Variants in TAMALIN observed in about 807,000 individuals in gnomAD.
TAMALIN encodes trafficking regulator and scaffold protein tamalin, also known as protein TAMALIN.
TAMALIN carries 9 observed loss-of-function variants against 38.5 expected under a neutral mutation model. The observed-to-expected ratio is 0.23, with a 90% CI of 0.14 to 0.41. TAMALIN has a LOEUF of 0.41. Ranked by LOEUF, TAMALIN falls within the 10% of genes least tolerant of loss-of-function variation. The pLI is 1.00. For missense variants in TAMALIN, 548 were observed against 554.1 expected (o/e 0.99, Z 0.11); for synonymous variants, 306 against 256.5 (o/e 1.19, Z -1.85).
intron 4 of TAMALIN, chr12:52,013,443 T>TC: frequency 4.1e-6 from 2 of 490,820 alleles, no homozygotes. Context: ...TTGGCTGGGG[T>TC]GCTGGGCGTG....
Position 52,012,550 on chromosome 12 carries a change from G to A in TAMALIN, c.455-1137G>A, listed in dbSNP as rs187310654. On this transcript the variant is annotated intron_variant, in intron 4 of 7. Coordinates refer to ENST00000293662, the MANE Select transcript of TAMALIN (RefSeq NM_181711.4). ...ATTACAGGTGTGAGCCACGGCGCTC[G>A]GCCCCAAATGCCTCTTAAAGGTCCT... Among the ~76,000 whole-genome samples the A allele has an allele frequency of 1.5e-3, 223 of 152,272 alleles. 1 individual carries two copies. Among genetic ancestry groups the A allele is most frequent in the African/African-American group, 5.2e-3 (214 of 41,538 alleles).
chr12:52,015,248 G>A lies in TAMALIN; in HGVS notation c.*49G>A, dbSNP rs1427222814. ...TTTATTTATTTATTCGCAACAGCCA[G>A]CGCTAAAAGAGGGGGAGGCCGAGCC... On this transcript the variant is annotated 3_prime_UTR_variant, in exon 8 of 8. Transcript: ENST00000293662. 4 of 1,525,786 alleles carry A rather than the reference G, an allele frequency of 2.6e-6. No individual in the cohort carries two copies. Among genetic ancestry groups the A allele is most frequent in the Admixed American group, 1.9e-5 (1 of 52,274 alleles). 94.5% of individuals were successfully genotyped at this position (1,525,786 alleles called of 1,614,324 possible).
chr12:52,010,373 G>A (rs1054538474), intron 2 of TAMALIN: 4 of 311,986 alleles, frequency 1.3e-5, no homozygotes, highest in Middle Eastern at 1.6e-3. Flanking sequence ...AGTGCGGGAA[G>A]GGGCGGCCTC....
chr12:52,014,549 A>G, intron 7 of TAMALIN, 145 bp from the exon 8 acceptor site: 1 of 642,202 alleles, frequency 1.6e-6, no homozygotes, highest in Middle Eastern at 4.3e-4. Flanking sequence ...TGAGGGAAGT[A>G]GGGTCTCAGG....
chr12:52,007,050 CAGA>C lies in TAMALIN; in HGVS notation c.34_36del (p.Lys12del). The stretch of plus-strand genomic sequence containing the variant: ...CCTCCGCCGACTCAGGAAGCTGCAG[CAGA>C]AGGAGGAGGCGGCGGCCACCCCGGA... On this transcript the variant is annotated inframe_deletion, in exon 1 of 8. Coordinates refer to ENST00000293662, the MANE Select transcript of TAMALIN (RefSeq NM_181711.4). This position sits in a 1 kb window ranked among gnomAD's most constrained non-coding sequence, Gnocchi z 6.7. 6.9e-7 allele frequency: 1 copy of C among 1,452,652 alleles called. No homozygotes were observed. Among genetic ancestry groups the C allele is most frequent in the Non-Finnish European group, 9.0e-7 (1 of 1,110,652 alleles). 90.0% of individuals were successfully genotyped at this position (1,452,652 alleles called of 1,614,324 possible).
chr12:52,010,617 C>A, intron 2 of TAMALIN: 2 of 1,171,120 alleles, frequency 1.7e-6, no homozygotes, highest in South Asian at 1.6e-5. Flanking sequence ...AAAAACTCAG[C>A]CGGCTCATCC....
chr12:52,008,229 G>A, intron 1 of TAMALIN: 4 of 985,352 alleles, frequency 4.1e-6, no homozygotes, highest in Non-Finnish European at 4.8e-6. Flanking sequence ...GGGCAGCTTT[G>A]GGGGAGGGTT....
At chr12:52,009,787 C>G (rs1014399632) in intron 2 of TAMALIN, among the ~76,000 whole-genome samples, 3 of 152,228 alleles carry the variant, frequency 2.0e-5, no homozygotes, top group Admixed American at 1.3e-4. Flanking sequence ...CTTCTCTACT[C>G]ATGTCCCATC....
In TAMALIN at chr12:52,009,309, C is replaced by T. The variant is rs1592271418; in HGVS notation, c.296+70C>T. 2.1e-6 allele frequency: 3 copies of T among 1,436,914 alleles called. No homozygotes were observed. In the East Asian group the frequency reaches 6.8e-5, roughly 33 times the overall value. The allele number at this position is 1,436,914 out of a possible 1,614,324, so 89.0% of individuals were successfully genotyped here. ...GGTGCTGGGTTGGGGGGTGCCAGGA[C>T]AGCATCTCAGCCTAGCGAGGGTAGT... On this transcript the variant is annotated intron_variant, in intron 2 of 7. Transcript: ENST00000293662.
rs768390875 is a variant in TAMALIN, at chr12:52,007,107, G to A, written c.88G>A (p.Val30Ile). 4 of 1,482,030 alleles carry A rather than the reference G, an allele frequency of 2.7e-6. No homozygotes were observed. Among genetic ancestry groups the A allele is most frequent in the Non-Finnish European group, 2.7e-6 (3 of 1,124,022 alleles). 91.8% of individuals were successfully genotyped at this position (1,482,030 alleles called of 1,614,324 possible). A position where few individuals can be genotyped will look rare whatever the true frequency, so the allele number is the denominator to read the frequency against. ...DPAARTPDSE[V>I]APAAPVPTPG... Reference sequence around the variant, plus strand: ...CGCCGCCCGGACTCCCGACTCGGAAGTCGCGCCCGCCGCTCCGGTCCCGAC... The same window carrying A: ...CGCCGCCCGGACTCCCGACTCGGAAATCGCGCCCGCCGCTCCGGTCCCGAC... The change falls in exon 1 of 8, where the codon GTC becomes ATC. Residue 30 changes from valine to isoleucine, a missense_variant. Val to Ile is a conservative substitution (Grantham distance 29). Around this residue, in one of 3 missense-constraint regions of TAMALIN, gnomAD observed 128 missense variants for 117.9 expected, o/e 1.09. Coordinates refer to ENST00000293662, the MANE Select transcript of TAMALIN (RefSeq NM_181711.4). The surrounding 1 kb of genome is among the most constrained non-coding windows in gnomAD (Gnocchi z 6.7).
At position 52,011,152 on chromosome 12, in the gene TAMALIN, A is replaced by T. The variant is rs770103667; in HGVS notation, c.454+11A>T. On this transcript the variant is annotated intron_variant, in intron 4 of 7. Transcript: ENST00000293662. This position sits in a 1 kb window ranked among gnomAD's most constrained non-coding sequence, Gnocchi z 5.3. ...CTGGGCTCACACCAGGTGGGGCCTG[A>T]GCCCAGGACACCCAGGTCTGGGAAG... The T allele has an allele frequency of 2.5e-5, 41 of 1,610,352 alleles. No individual in the cohort carries two copies. The highest frequency in any genetic ancestry group is 3.4e-5 in the Non-Finnish European group (40 of 1,179,988).
At chr12:52,010,201 C>T (rs1418311284) in intron 2 of TAMALIN, among the ~76,000 whole-genome samples, 9 of 152,156 alleles carry the variant, frequency 5.9e-5, no homozygotes, top group African/African-American at 9.7e-5. Context: ...AGGGCCTTTC[C>T]GAGGCTGAGC....
At chr12:52,012,299 G>T (rs547981261) in intron 4 of TAMALIN, among the ~76,000 whole-genome samples, 2 of 152,196 alleles carry the variant, frequency 1.3e-5, no homozygotes, top group Non-Finnish European at 2.9e-5. Flanking sequence ...TGTTGCCCAG[G>T]CTGGAGTGCA....
chr12:52,008,446 G>C (rs1030628067), intron 1 of TAMALIN: 2 of 975,886 alleles, frequency 2.0e-6, no homozygotes, highest in East Asian at 1.2e-4. Context: ...TCCCAGTCTC[G>C]GTCCTTTAGT....
intron 6 of TAMALIN, 82 bp downstream of exon 6, chr12:52,014,025 C>G: frequency 1.3e-6 from 2 of 1,548,990 alleles, no homozygotes; most frequent in Non-Finnish European, 1.8e-6. Flanking sequence ...ACAGCTGAAT[C>G]TCCTGTAACT....
chr12:52,014,791 G>A lies in TAMALIN; in HGVS notation c.780G>A (p.Gly260=). 1 of 1,420,340 alleles carries A rather than the reference G, an allele frequency of 7.0e-7. No homozygotes were observed. Among genetic ancestry groups the A allele is most frequent in the Non-Finnish European group, 9.1e-7 (1 of 1,094,424 alleles). 88.0% of individuals were successfully genotyped at this position (1,420,340 alleles called of 1,614,324 possible). ...AGLLPGSLPF[G]PLLAVPGRPR... is the part of the protein sequence containing the mutation. ...TGCTCCCGGGCTCGCTGCCCTTCGG[G>A]CCTCTGCTCGCCGTGCCCGGGCGTC... Residue 260 remains glycine, a synonymous_variant, in exon 8 of 8, where the codon GGG becomes GGA. Coordinates refer to ENST00000293662, the MANE Select transcript of TAMALIN (RefSeq NM_181711.4).
intron 1 of TAMALIN, chr12:52,008,621 C>T (rs1336260117): frequency 1.0e-6 from 1 of 985,458 alleles, no homozygotes; most frequent in African/African-American, 1.7e-5. Flanking sequence ...GACCTGGCAC[C>T]TCTGACCCCA....
At position 52,013,750 on chromosome 12, in the gene TAMALIN, ACAT is replaced by A. The variant is rs1180981613; in HGVS notation, c.522_524del (p.Ile175del). Reference sequence around the variant, plus strand: ...GGCATCCGGCATCGAGAGATTGTGGACATCATTAAGGCGTCAGGCAATGTTCTC... The same window carrying A: ...GGCATCCGGCATCGAGAGATTGTGGACATTAAGGCGTCAGGCAATGTTCTC... On this transcript the variant is annotated inframe_deletion, in exon 5 of 8. Transcript: ENST00000293662. 6.2e-7 allele frequency: 1 copy of A among 1,613,994 alleles called. No individual in the cohort carries two copies. Among genetic ancestry groups the A allele is most frequent in the Non-Finnish European group, 8.5e-7 (1 of 1,180,002 alleles).
chr12:52,014,040 A>T (rs1937726385), intron 6 of TAMALIN, 95 bp from the exon 7 acceptor site: 2 of 1,553,380 alleles, frequency 1.3e-6, no homozygotes, highest in African/African-American at 1.4e-5. Context: ...GTAACTGAAG[A>T]TTTCTTTTGT....
Sources: allele counts gnomAD v4.1 joint callset (sites outside exome capture counted in the v4.1 genomes callset), GRCh38; gene constraint gnomAD v4.1.1; regional missense constraint gnomAD v4.1.1; non-coding constraint Gnocchi (gnomAD v3.1); transcripts MANE v1.5; gene names NCBI Gene and HGNC (gene_info 2026-07-23, HGNC 2026-07-21).